Variants in CREBBP observed in about 807,000 individuals in gnomAD.
CREBBP encodes CREB binding lysine acetyltransferase, also known as CREB-binding protein.
In CREBBP, 19 loss-of-function variants were observed where a neutral mutation model predicts 265.0. That is an observed-to-expected ratio of 0.07 (90% CI 0.05 to 0.11). The LOEUF (loss-of-function observed/expected upper bound fraction) is 0.11. Among genes scored for constraint, CREBBP ranks in the 10% least tolerant of loss-of-function variants. CREBBP has a pLI of 1.00. For synonymous variants in CREBBP, 1,457 were observed against 1,223.7 expected (o/e 1.19, Z -3.98); for missense variants, 2,525 against 3,219.0 (o/e 0.78, Z 5.22).
In CREBBP at chr16:3,727,512, A is replaced by G. The variant is rs1306127696; in HGVS notation, c.*206T>C. On this transcript the variant is annotated 3_prime_UTR_variant, in exon 31 of 31. Coordinates refer to ENST00000262367, the MANE Select transcript of CREBBP (RefSeq NM_004380.3). ...ACCCCCCCCACCCCCCCGCCAAAAA[A>G]AAACCAAAGAGAGAGACCAGATATT... is the stretch of plus-strand genomic sequence containing the variant. 4 of 148,818 alleles carry G rather than the reference A, an allele frequency of 2.7e-5. No individual in the cohort carries two copies. Among genetic ancestry groups the G allele is most frequent in the Non-Finnish European group, 4.8e-5 (4 of 82,482 alleles). The allele number at this position is 148,818 out of a possible 1,614,324, so 9.2% of individuals were successfully genotyped here.
chr16:3,794,457 G>A (rs1295283360), intron 3 of CREBBP, among the ~76,000 whole-genome samples: 2 of 148,982 alleles, frequency 1.3e-5, no homozygotes, highest in African/African-American at 4.9e-5. Flanking sequence ...ATTATCACAT[G>A]ACTAGAAGGA....
rs749031320 is a variant in CREBBP, at chr16:3,810,716, T to A, written c.862A>T (p.Met288Leu). The A allele has an allele frequency of 6.2e-7, 1 of 1,613,974 alleles. No individual in the cohort carries two copies. The highest frequency in any genetic ancestry group is 8.5e-7 in the Non-Finnish European group (1 of 1,180,016). Residue 288 changes from methionine (M) to leucine (L), a missense_variant, in exon 3 of 31, where the codon ATG (methionine) becomes TTG (leucine). Physicochemically the swap from Met to Leu is conservative, Grantham distance 15. Coordinates refer to ENST00000262367, the MANE Select transcript of CREBBP (RefSeq NM_004380.3). ...QPFSQAGGQP[M>L]GATGVNPQLA... ...TGGGGGTTCACTCCAGTGGCTCCCATTGGCTGCCCTCCAGCTTGACTAAAG... is the reference window on the plus strand; with the variant it reads ...TGGGGGTTCACTCCAGTGGCTCCCAATGGCTGCCCTCCAGCTTGACTAAAG...
intron 5 of CREBBP, among the ~76,000 whole-genome samples, chr16:3,786,885 C>T (rs1474129156): frequency 6.6e-6 from 1 of 152,012 alleles, no homozygotes. Context: ...CCAGCCTGGA[C>T]AACATGGTGA....
intron 19 of CREBBP, among the ~76,000 whole-genome samples, chr16:3,756,763 T>C (rs129993): frequency 0.11 from 17,177 of 152,212 alleles, 2,524 homozygotes; most frequent in African/African-American, 0.33. Flanking sequence ...TATTTGCAGG[T>C]AGAATAGTAA....
chr16:3,861,551 T>C (rs111697218), intron 1 of CREBBP, among the ~76,000 whole-genome samples: 2 of 150,922 alleles, frequency 1.3e-5, no homozygotes, highest in African/African-American at 4.9e-5. Context: ...AATAAACTCA[T>C]CCCTGCTGAT....
rs918729088 is a variant in CREBBP at position 3,878,887 on chromosome 16, A to G, written c.85+945T>C. Among the ~76,000 whole-genome samples, 33 of 152,366 alleles carry G rather than the reference A, an allele frequency of 2.2e-4. 1 individual carries two copies. Among genetic ancestry groups the G allele is most frequent in the African/African-American group, 7.2e-4 (30 of 41,578 alleles). On this transcript the variant is annotated intron_variant, in intron 1 of 30. Coordinates refer to ENST00000262367, the MANE Select transcript of CREBBP (RefSeq NM_004380.3). The stretch of plus-strand genomic sequence containing the variant: ...TGGGACCCAGAATTACTGAATTAAT[A>G]GAAAACTAAATACTTCTCTTAAGCA...
chr16:3,841,392 T>C (rs549841286), intron 2 of CREBBP, among the ~76,000 whole-genome samples: 230 of 151,704 alleles, frequency 1.5e-3, no homozygotes, highest in African/African-American at 5.3e-3. Context: ...TAAGAAAAAT[T>C]TGGGTTGCAA....
chr16:3,879,171 C>T (rs74003440), intron 1 of CREBBP, among the ~76,000 whole-genome samples: 6,753 of 152,166 alleles, frequency 0.044, 496 homozygotes, highest in African/African-American at 0.15. Context: ...TTCATGACAT[C>T]TTGCTAACGA....
intron 16 of CREBBP, among the ~76,000 whole-genome samples, chr16:3,761,024 G>A (rs528058410): frequency 6.6e-6 from 1 of 151,900 alleles, no homozygotes; most frequent in Non-Finnish European, 1.5e-5. Context: ...GCGTGATCTT[G>A]GCTCACTGCA....
At chr16:3,768,735 T>C (rs1300848537) in intron 15 of CREBBP, among the ~76,000 whole-genome samples, 1 of 152,170 alleles carries the variant, frequency 6.6e-6, no homozygotes, top group African/African-American at 2.4e-5. Flanking sequence ...ATCTAGAGTT[T>C]TATTTGCAAT....
At position 3,770,825 on chromosome 16, in the gene CREBBP, A is replaced by G. The variant is rs1214789620; in HGVS notation, c.2625T>C (p.Pro875=). ...CTGCTGGCTGGGGAGGAGTCATCCC[A>G]GGTGGTGTCGTGTGCTGGAGAGATG... is the stretch of plus-strand genomic sequence containing the variant. ...GMPSLQHTTP[P]GMTPPQPAAP... Residue 875 remains proline, a synonymous_variant, in exon 14 of 31, where the codon CCT becomes CCC. Transcript: ENST00000262367. 6.2e-7 allele frequency: 1 copy of G among 1,613,968 alleles called. No individual in the cohort carries two copies. The highest frequency in any genetic ancestry group is 1.1e-5 in the South Asian group (1 of 91,062).
intron 16 of CREBBP, among the ~76,000 whole-genome samples, chr16:3,762,247 G>A (rs957631892): frequency 1.3e-5 from 2 of 152,088 alleles, no homozygotes; most frequent in African/African-American, 2.4e-5. Context: ...CCCTGTCACC[G>A]CCCCAGTGGT....
chr16:3,791,714 C>T (rs2053511537), intron 5 of CREBBP, among the ~76,000 whole-genome samples: 1 of 152,178 alleles, frequency 6.6e-6, no homozygotes, highest in Admixed American at 6.5e-5. Flanking sequence ...CTCTGCTGTT[C>T]CATGCTGCTT....
intron 2 of CREBBP, among the ~76,000 whole-genome samples, chr16:3,833,660 G>C (rs893393716): frequency 2.6e-5 from 4 of 152,022 alleles, no homozygotes; most frequent in African/African-American, 9.7e-5. Context: ...AACAAATAAT[G>C]GTGTAAAACC....
intron 1 of CREBBP, among the ~76,000 whole-genome samples, chr16:3,867,647 G>C (rs1229223837): frequency 1.3e-5 from 2 of 151,692 alleles, no homozygotes. Context: ...GCCGAGCATA[G>C]TGGCTCACAT....
intron 8 of CREBBP, among the ~76,000 whole-genome samples, chr16:3,779,122 G>A (rs547335044): frequency 6.6e-5 from 10 of 151,450 alleles, no homozygotes; most frequent in South Asian, 2.1e-4. Flanking sequence ...AGCTGAGATC[G>A]TGCCATTGCA....
rs2141280958 is a variant in CREBBP at position 3,792,040 on chromosome 16, C to T, written c.1271G>A (p.Arg424Gln). ...QIISHWKNCT[R>Q]HDCPVCLPLK... ...AGGGAGGCAAACAGGACAGTCATGTCGTGTGCAGTTCTTCCAATGAGAGAT... is the reference window on the plus strand; with the variant it reads ...AGGGAGGCAAACAGGACAGTCATGTTGTGTGCAGTTCTTCCAATGAGAGAT... Residue 424 changes from arginine (R) to glutamine (Q), a missense_variant, in exon 5 of 31, where the codon CGA becomes CAA. Around this residue, in one of 19 missense-constraint regions of CREBBP, gnomAD observed 7 missense variants for 39.8 expected, o/e 0.18. Coordinates refer to ENST00000262367, the MANE Select transcript of CREBBP (RefSeq NM_004380.3). 1 of 1,614,198 alleles carries T rather than the reference C, an allele frequency of 6.2e-7. No homozygotes were observed. Among genetic ancestry groups the T allele is most frequent in the Non-Finnish European group, 8.5e-7 (1 of 1,180,046 alleles).
chr16:3,871,917 T>C (rs761578733), intron 1 of CREBBP, among the ~76,000 whole-genome samples: 6 of 152,194 alleles, frequency 3.9e-5, no homozygotes, highest in Non-Finnish European at 8.8e-5. Context: ...TTTCAAACAA[T>C]AGCAGACAGT....
intron 2 of CREBBP, among the ~76,000 whole-genome samples, chr16:3,819,525 C>A (rs150957039): frequency 6.6e-6 from 1 of 152,220 alleles, no homozygotes; most frequent in Non-Finnish European, 1.5e-5. Flanking sequence ...GAGAGTGGTT[C>A]CAACATGTAG....
Sources: allele counts gnomAD v4.1 joint callset (sites outside exome capture counted in the v4.1 genomes callset), GRCh38; gene constraint gnomAD v4.1.1; regional missense constraint gnomAD v4.1.1; transcripts MANE v1.5; gene names NCBI Gene and HGNC (gene_info 2026-07-23, HGNC 2026-07-21).